Variants in ASB18 observed in about 807,000 individuals in gnomAD.
ASB18 encodes the protein ankyrin repeat and SOCS box protein 18.
Under a neutral mutation model 33.4 loss-of-function variants are expected in ASB18, and 33 were observed. That is an observed-to-expected ratio of 0.99 (90% CI 0.75 to 1.32). The LOEUF is 1.32. ASB18 is among the 40% of genes most tolerant of loss of function. The probability of loss-of-function intolerance (pLI) is 0.00; values close to 1 mark genes in which losing one functional copy is unlikely to be tolerated. For synonymous variants in ASB18, 295 were observed against 307.6 expected (o/e 0.96, Z 0.43); for missense variants, 694 against 655.5 (o/e 1.06, Z -0.64).
Position 236,214,627 on chromosome 2 carries a change from A to C in ASB18, c.836T>G (p.Leu279Arg). 4.2e-6 allele frequency: 5 copies of C among 1,191,298 alleles called. No individual in the cohort carries two copies. Among genetic ancestry groups the C allele is most frequent in the Non-Finnish European group, 5.2e-6 (5 of 963,878 alleles). The allele number at this position is 1,191,298 out of a possible 1,614,324, so 73.8% of individuals were successfully genotyped here. ...HGRCLRLCAL[L>R]LRRGAEADAR... ...GTCCGCCTCCGCCCCGCGCCGCAGC[A>C]GCAGCGCGCACAGGCGCAGGCAGCG... is the stretch of plus-strand genomic sequence containing the variant. Residue 279 changes from leucine to arginine, a missense_variant, in exon 4 of 6, where the codon CTG becomes CGG. Physicochemically the swap from Leu to Arg is moderately radical, Grantham distance 102. Coordinates refer to ENST00000409749, the MANE Select transcript of ASB18 (RefSeq NM_212556.4). This position sits in a 1 kb window ranked among gnomAD's most constrained non-coding sequence, Gnocchi z 6.5.
rs1196334288 is a variant in ASB18 at position 236,260,232 on chromosome 2, CT to C, written c.205+3908del. ...TTGGGATAGAAACCTCTTCCCTCTT[CT>C]TTCCCCCAGGTACTTTTGCCAACAT... On this transcript the variant is annotated intron_variant, in intron 1 of 5. Coordinates refer to ENST00000409749, the MANE Select transcript of ASB18 (RefSeq NM_212556.4). The surrounding 1 kb of genome is among the most constrained non-coding windows in gnomAD (Gnocchi z 5.1). Among the ~76,000 whole-genome samples the C allele has an allele frequency of 6.6e-6, 1 of 152,194 alleles. No homozygotes were observed. The highest frequency in any genetic ancestry group is 1.5e-5 in the Non-Finnish European group (1 of 68,030).
At position 236,229,021 on chromosome 2, in the gene ASB18, T is replaced by A. The variant is rs374398103; in HGVS notation, c.596+8668A>T. On this transcript the variant is annotated intron_variant, in intron 3 of 5. Transcript: ENST00000409749. This position sits in a 1 kb window ranked among gnomAD's most constrained non-coding sequence, Gnocchi z 5.2. ...ACTTTGGGAGGCTGAGGCAGGAGAA[T>A]CATTTGAAACTAGGAGTTTGAGACC... Among the ~76,000 whole-genome samples the A allele has an allele frequency of 1.3e-5, 2 of 152,224 alleles. No individual in the cohort carries two copies. Among genetic ancestry groups the A allele is most frequent in the Middle Eastern group, 6.8e-3 (2 of 294 alleles).
chr2:236,246,808 C>G (rs2060646802), intron 1 of ASB18, among the ~76,000 whole-genome samples: 1 of 152,184 alleles, frequency 6.6e-6, no homozygotes. Context: ...TTTCCTTTCT[C>G]TAAGCATAGC....
rs370762621 is a variant in ASB18, at chr2:236,237,932, C to T, written c.353G>A (p.Arg118His). 3 of 1,504,740 alleles carry T rather than the reference C, an allele frequency of 2.0e-6. No homozygotes were observed. The highest frequency in any genetic ancestry group is 2.9e-5 in the African/African-American group (2 of 69,276). The allele number at this position is 1,504,740 out of a possible 1,614,324, so 93.2% of individuals were successfully genotyped here. Reference protein sequence around the residue: ...LSGLWTLEYKRELTTPLCIAA... With the variant: ...LSGLWTLEYKHELTTPLCIAA... Reference sequence around the variant, plus strand: ...GATGCACAGGGGCGTGGTGAGCTCACGCTTGTACTCCAGGGTCCAGAGGCC... The same window carrying T: ...GATGCACAGGGGCGTGGTGAGCTCATGCTTGTACTCCAGGGTCCAGAGGCC... The change falls in exon 3 of 6, where the codon CGT becomes CAT. Residue 118 changes from arginine (R) to histidine (H), a missense_variant. By Grantham distance (29) the Arg-to-His change is conservative. Transcript: ENST00000409749. This position sits in a 1 kb window ranked among gnomAD's most constrained non-coding sequence, Gnocchi z 6.2.
rs927974960 is a variant in ASB18, at chr2:236,225,792, A to G, written c.597-10926T>C. ...AAGCTTGCTGGTTGGAAGGAAGCAC[A>G]GGTAATTTTTTTTTTTTAATCCCAG... is the stretch of plus-strand genomic sequence containing the variant. On this transcript the variant is annotated intron_variant, in intron 3 of 5. Coordinates refer to ENST00000409749, the MANE Select transcript of ASB18 (RefSeq NM_212556.4). The surrounding 1 kb of genome is among the most constrained non-coding windows in gnomAD (Gnocchi z 5.1). 2.2e-5 allele frequency among the ~76,000 whole-genome samples: 3 copies of G among 139,358 alleles called. No homozygotes were observed. Among genetic ancestry groups the G allele is most frequent in the Non-Finnish European group, 4.7e-5 (3 of 63,408 alleles). The allele number at this position is 139,358 out of a possible 152,430, so 91.4% of individuals were successfully genotyped here.
chr2:236,218,797 CAA>C (rs574423455), intron 3 of ASB18, among the ~76,000 whole-genome samples: 28,138 of 90,852 alleles, frequency 0.31, 2,518 homozygotes, highest in Middle Eastern at 0.4. Context: ...GACTCCATCT[CAA>C]AAAAAAAAAA....
chr2:236,214,431 T>A lies in ASB18; in HGVS notation c.1032A>T (p.Ser344=). The A allele has an allele frequency of 6.4e-7, 1 of 1,556,584 alleles. No individual in the cohort carries two copies. The highest frequency in any genetic ancestry group is 8.6e-7 in the Non-Finnish European group (1 of 1,158,004). ...LQTASCALQA[S]PQRTVQALLN... is the part of the protein sequence containing the mutation. ...GCAGCGCCTGCACCGTGCGCTGCGG[T>A]GAGGCCTGGAGAGCGCAGGATGCGG... Residue 344 remains serine, a synonymous_variant, in exon 4 of 6, where the codon TCA becomes TCT. Coordinates refer to ENST00000409749, the MANE Select transcript of ASB18 (RefSeq NM_212556.4). This position sits in a 1 kb window ranked among gnomAD's most constrained non-coding sequence, Gnocchi z 6.5.
At position 236,248,205 on chromosome 2, in the gene ASB18, C is replaced by T. The variant is rs1657444455; in HGVS notation, c.206-6803G>A. 6.6e-6 allele frequency: 1 copy of T among 152,172 alleles called. No individual in the cohort carries two copies. The highest frequency in any genetic ancestry group is 1.9e-4 in the East Asian group (1 of 5,192). The allele number at this position is 152,172 out of a possible 1,614,324, so 9.4% of individuals were successfully genotyped here. A position where few individuals can be genotyped will look rare whatever the true frequency, so the allele number is the denominator to read the frequency against. On this transcript the variant is annotated intron_variant, in intron 1 of 5. Coordinates refer to ENST00000409749, the MANE Select transcript of ASB18 (RefSeq NM_212556.4). The surrounding 1 kb of genome is among the most constrained non-coding windows in gnomAD (Gnocchi z 4.9). ...AACGTTGGCTACAAAAATGAATCACCTGAGGAACTTTAAAAAACACGATGC... is the reference window on the plus strand; with the variant it reads ...AACGTTGGCTACAAAAATGAATCACTTGAGGAACTTTAAAAAACACGATGC...
chr2:236,255,921 C>T lies in ASB18; in HGVS notation c.205+8220G>A, dbSNP rs891568168. Among the ~76,000 whole-genome samples, 1 of 152,160 alleles carries T rather than the reference C, an allele frequency of 6.6e-6. No individual in the cohort carries two copies. Among genetic ancestry groups the T allele is most frequent in the African/African-American group, 2.4e-5 (1 of 41,418 alleles). On this transcript the variant is annotated intron_variant, in intron 1 of 5. Transcript: ENST00000409749. This position sits in a 1 kb window ranked among gnomAD's most constrained non-coding sequence, Gnocchi z 4.4. Reference sequence around the variant, plus strand: ...GCTTCCTTCCTTTGGATCACAGCCTCCCAGGAACATGCTCCTGTTTCGAGG... The same window carrying T: ...GCTTCCTTCCTTTGGATCACAGCCTTCCAGGAACATGCTCCTGTTTCGAGG...
At position 236,262,628 on chromosome 2, in the gene ASB18, G is replaced by A. The variant is rs545326971; in HGVS notation, c.205+1513C>T. 1.3e-5 allele frequency among the ~76,000 whole-genome samples: 2 copies of A among 152,280 alleles called. No individual in the cohort carries two copies. Among genetic ancestry groups the A allele is most frequent in the Admixed American group, 6.5e-5 (1 of 15,302 alleles). The stretch of plus-strand genomic sequence containing the variant: ...GGTGCTTGGGCACGGTGGGCCTAAA[G>A]GGTGAATGCAAGATGTACAGCTCAG... On this transcript the variant is annotated intron_variant, in intron 1 of 5. Coordinates refer to ENST00000409749, the MANE Select transcript of ASB18 (RefSeq NM_212556.4). This position sits in a 1 kb window ranked among gnomAD's most constrained non-coding sequence, Gnocchi z 5.2.
chr2:236,240,551 C>T (rs758890139), intron 2 of ASB18, among the ~76,000 whole-genome samples: 22 of 152,160 alleles, frequency 1.4e-4, no homozygotes, highest in Admixed American at 5.2e-4. Flanking sequence ...GAGCTGGTGG[C>T]GGGTGGGGTG....
intron 1 of ASB18, among the ~76,000 whole-genome samples, chr2:236,258,059 C>A (rs948568366): frequency 2.0e-5 from 3 of 152,212 alleles, no homozygotes; most frequent in Admixed American, 2.0e-4. Context: ...AAGCCTTGAG[C>A]CAAGCTGCTG....
chr2:236,225,370 C>T lies in ASB18; in HGVS notation c.597-10504G>A, dbSNP rs2060532220. On this transcript the variant is annotated intron_variant, in intron 3 of 5. Transcript: ENST00000409749. This position sits in a 1 kb window ranked among gnomAD's most constrained non-coding sequence, Gnocchi z 5.1. ...TCAAGCGATCCTCTAGCCTTGGCCT[C>T]CTAAAATGATGGGATTACAGGCAGG... 6.6e-6 allele frequency among the ~76,000 whole-genome samples: 1 copy of T among 152,140 alleles called. No homozygotes were observed. Among genetic ancestry groups the T allele is most frequent in the African/African-American group, 2.4e-5 (1 of 41,430 alleles).
chr2:236,241,163 T>C lies in ASB18; in HGVS notation c.328+117A>G. On this transcript the variant is annotated intron_variant, in intron 2 of 5. Coordinates refer to ENST00000409749, the MANE Select transcript of ASB18 (RefSeq NM_212556.4). The surrounding 1 kb of genome is among the most constrained non-coding windows in gnomAD (Gnocchi z 4.2). ...GCAAACTTCATCAGATGTCCTTTTC[T>C]TGTGTACGTTAAACCCAGTGCCACT... 9.9e-7 allele frequency: 1 copy of C among 1,014,888 alleles called. No homozygotes were observed. The highest frequency in any genetic ancestry group is 1.5e-6 in the Non-Finnish European group (1 of 671,184). The allele number at this position is 1,014,888 out of a possible 1,614,324, so 62.9% of individuals were successfully genotyped here. A position where few individuals can be genotyped will look rare whatever the true frequency, so the allele number is the denominator to read the frequency against.
Position 236,217,346 on chromosome 2 carries a change from G to A in ASB18, c.597-2480C>T. ...CACTTAAACCCGGGAGGTGGAGGTT[G>A]CAGTGAGCCAAGATCGTGCCCCTGA... On this transcript the variant is annotated intron_variant, in intron 3 of 5. Coordinates refer to ENST00000409749, the MANE Select transcript of ASB18 (RefSeq NM_212556.4). This position sits in a 1 kb window ranked among gnomAD's most constrained non-coding sequence, Gnocchi z 5.2. Among the ~76,000 whole-genome samples the A allele has an allele frequency of 6.6e-6, 1 of 151,728 alleles. No homozygotes were observed. The highest frequency in any genetic ancestry group is 1.9e-4 in the East Asian group (1 of 5,150).
In ASB18 at chr2:236,245,864, T is replaced by A. The variant is rs571890968; in HGVS notation, c.206-4462A>T. The stretch of plus-strand genomic sequence containing the variant: ...GGACTCTTTGAAACTTGCTCAACAT[T>A]AAAGCTCCTCAGTGGTTCTTGCTCT... On this transcript the variant is annotated intron_variant, in intron 1 of 5. Transcript: ENST00000409749. The surrounding 1 kb of genome is among the most constrained non-coding windows in gnomAD (Gnocchi z 4.7). Among the ~76,000 whole-genome samples, 1 of 152,160 alleles carries A rather than the reference T, an allele frequency of 6.6e-6. No individual in the cohort carries two copies. Among genetic ancestry groups the A allele is most frequent in the Non-Finnish European group, 1.5e-5 (1 of 68,020 alleles).
chr2:236,260,866 G>A lies in ASB18; in HGVS notation c.205+3275C>T, dbSNP rs2060714069. On this transcript the variant is annotated intron_variant, in intron 1 of 5. Coordinates refer to ENST00000409749, the MANE Select transcript of ASB18 (RefSeq NM_212556.4). The surrounding 1 kb of genome is among the most constrained non-coding windows in gnomAD (Gnocchi z 5.1). ...CTCTGAGGGGAGGCCCCAGCAGAAAGCAGTTCCCAAGCTCATCCCACCATG... is the reference window on the plus strand; with the variant it reads ...CTCTGAGGGGAGGCCCCAGCAGAAAACAGTTCCCAAGCTCATCCCACCATG... Among the ~76,000 whole-genome samples, 1 of 152,190 alleles carries A rather than the reference G, an allele frequency of 6.6e-6. No homozygotes were observed. Among genetic ancestry groups the A allele is most frequent in the Admixed American group, 6.5e-5 (1 of 15,274 alleles).
In ASB18 at chr2:236,235,970, C is replaced by T. The variant is rs963631091; in HGVS notation, c.596+1719G>A. Among the ~76,000 whole-genome samples, 1 of 152,126 alleles carries T rather than the reference C, an allele frequency of 6.6e-6. No individual in the cohort carries two copies. The highest frequency in any genetic ancestry group is 2.4e-5 in the African/African-American group (1 of 41,424). On this transcript the variant is annotated intron_variant, in intron 3 of 5. Transcript: ENST00000409749. This position sits in a 1 kb window ranked among gnomAD's most constrained non-coding sequence, Gnocchi z 6.2. ...CAGCCTCCCAAAGTGTTGGGATTACCGGCATGAGCCACCGCACCTAGCCTA... is the reference window on the plus strand; with the variant it reads ...CAGCCTCCCAAAGTGTTGGGATTACTGGCATGAGCCACCGCACCTAGCCTA...
At chr2:236,230,840 T>C (rs997591009) in intron 3 of ASB18, among the ~76,000 whole-genome samples, 1 of 151,480 alleles carries the variant, frequency 6.6e-6, no homozygotes, top group Non-Finnish European at 1.5e-5. Context: ...AGAAAAGAAA[T>C]AGACATTTGT....
Sources: allele counts gnomAD v4.1 joint callset (sites outside exome capture counted in the v4.1 genomes callset), GRCh38; gene constraint gnomAD v4.1.1; non-coding constraint Gnocchi (gnomAD v3.1); transcripts MANE v1.5; gene names NCBI Gene and HGNC (gene_info 2026-07-23, HGNC 2026-07-21).